Variants in CRPPA observed in about 807,000 individuals in gnomAD.
CRPPA encodes the protein D-ribitol-5-phosphate cytidylyltransferase.
CRPPA carries 43 observed loss-of-function variants against 52.0 expected under a neutral mutation model. The ratio of observed to expected loss-of-function variants is 0.83; its 90% CI spans 0.65 to 1.07. CRPPA has a LOEUF of 1.07. Among genes scored for constraint, CRPPA ranks in the 50% least tolerant of loss-of-function variants. The pLI, the probability that CRPPA is intolerant of heterozygous loss-of-function variation, is 0.00. For synonymous variants in CRPPA, 250 were observed against 203.5 expected (o/e 1.23, Z -1.94); for missense variants, 629 against 551.7 (o/e 1.14, Z -1.40).
chr7:16,250,191 A>G (rs1783406688), intron 8 of CRPPA, among the ~76,000 whole-genome samples: 1 of 152,192 alleles, frequency 6.6e-6, no homozygotes, highest in African/African-American at 2.4e-5. Context: ...GTGAAAAGAA[A>G]TGAACAAAGC....
intron 9 of CRPPA, among the ~76,000 whole-genome samples, chr7:16,191,816 C>T (rs967620409): frequency 6.6e-6 from 1 of 152,094 alleles, no homozygotes; most frequent in African/African-American, 2.4e-5. Flanking sequence ...TTACCTTATT[C>T]CACTTTATTT....
chr7:16,225,748 T>TAAAC (rs1782632202), intron 8 of CRPPA, among the ~76,000 whole-genome samples: 1 of 151,958 alleles, frequency 6.6e-6, no homozygotes, highest in South Asian at 2.1e-4. Flanking sequence ...AAAAAAATAC[T>TAAAC]AAACAGTTTT....
At chr7:16,308,480 G>A in intron 4 of CRPPA, 43 bp downstream of exon 4, 1 of 1,083,308 alleles carries the variant, frequency 9.2e-7, no homozygotes, top group Non-Finnish European at 1.4e-6. Context: ...GCAAACACAT[G>A]AAAGCACAGA....
intron 5 of CRPPA, among the ~76,000 whole-genome samples, chr7:16,281,172 A>T (rs2128418380): frequency 6.6e-6 from 1 of 152,314 alleles, no homozygotes; most frequent in South Asian, 2.1e-4. Context: ...TAGAAATGAC[A>T]TCTTTAAAAT....
intron 5 of CRPPA, among the ~76,000 whole-genome samples, chr7:16,285,020 C>T (rs1784394694): frequency 6.6e-6 from 1 of 152,100 alleles, no homozygotes; most frequent in Admixed American, 6.6e-5. Context: ...TTAATTTTTT[C>T]ATGAAGCACA....
At chr7:16,217,384 C>T (rs1420961446) in intron 8 of CRPPA, among the ~76,000 whole-genome samples, 2 of 151,606 alleles carry the variant, frequency 1.3e-5, no homozygotes. Flanking sequence ...CGCAGAGCAC[C>T]TCTCCTCCTC....
chr7:16,333,317 T>C (rs1283391981), intron 3 of CRPPA, among the ~76,000 whole-genome samples: 3 of 152,162 alleles, frequency 2.0e-5, no homozygotes, highest in African/African-American at 7.2e-5. Flanking sequence ...TCAAAACACA[T>C]GTGCTTCTCA....
chr7:16,153,802 C>CT (rs936303539), intron 9 of CRPPA, among the ~76,000 whole-genome samples: 53 of 149,426 alleles, frequency 3.5e-4, no homozygotes, highest in East Asian at 1.2e-3. Flanking sequence ...AAACTGTTCA[C>CT]TTTTTTTTTT....
Position 16,307,625 on chromosome 7 carries a change from A to C in CRPPA, c.789+898T>G, listed in dbSNP as rs147552077. Among the ~76,000 whole-genome samples the C allele has an allele frequency of 1.5e-4, 22 of 143,210 alleles. No individual in the cohort carries two copies. In the East Asian group the frequency reaches 5.0e-3, roughly 32 times the overall value. The allele number at this position is 143,210 out of a possible 152,430, so 94.0% of individuals were successfully genotyped here. ...AAATTTGGAGGTGGAGGTTACAATG[A>C]GACTGCACCATTGCCCTCCAGCCTG... On this transcript the variant is annotated intron_variant, in intron 4 of 9. Coordinates refer to ENST00000407010, the MANE Select transcript of CRPPA (RefSeq NM_001101426.4).
chr7:16,394,956 G>A (rs1787533107), intron 2 of CRPPA, among the ~76,000 whole-genome samples: 1 of 152,180 alleles, frequency 6.6e-6, no homozygotes, highest in Non-Finnish European at 1.5e-5. Context: ...TTATGTAAGA[G>A]ACTTCTGTTC....
chr7:16,163,544 T>A (rs548096803), intron 9 of CRPPA, among the ~76,000 whole-genome samples: 1 of 152,192 alleles, frequency 6.6e-6, no homozygotes, highest in African/African-American at 2.4e-5. Flanking sequence ...ATGTGTGAAT[T>A]TGATCCTGTC....
Position 16,261,295 on chromosome 7 carries a change from G to C in CRPPA, c.934-2283C>G, listed in dbSNP as rs141954816. On this transcript the variant is annotated intron_variant, in intron 6 of 9. Coordinates refer to ENST00000407010, the MANE Select transcript of CRPPA (RefSeq NM_001101426.4). The stretch of plus-strand genomic sequence containing the variant: ...GAAGAGGTGCCTTGAGCAGGATAAA[G>C]ACACTGCACTCTTAATGACAACTCA... 8.0e-3 allele frequency among the ~76,000 whole-genome samples: 1,222 copies of C among 152,160 alleles called. 67 individuals carry two copies. Among genetic ancestry groups the C allele is most frequent in the Admixed American group, 0.074 (1,136 of 15,268 alleles).
chr7:16,263,965 T>C lies in CRPPA; in HGVS notation c.934-4953A>G, dbSNP rs577674869. 2.6e-4 allele frequency among the ~76,000 whole-genome samples: 39 copies of C among 152,186 alleles called. 1 individual carries two copies. The highest frequency in any genetic ancestry group is 5.3e-4 in the Non-Finnish European group (36 of 68,032). Reference sequence around the variant, plus strand: ...AAAAGTTATCAAATATTAGTATTTTTGTACTCTTGAAAAACCAAACTGCAA... The same window carrying C: ...AAAAGTTATCAAATATTAGTATTTTCGTACTCTTGAAAAACCAAACTGCAA... On this transcript the variant is annotated intron_variant, in intron 6 of 9. Transcript: ENST00000407010.
chr7:16,115,087 G>C (rs1782344288), intron 9 of CRPPA, among the ~76,000 whole-genome samples: 1 of 151,916 alleles, frequency 6.6e-6, no homozygotes, highest in African/African-American at 2.4e-5. Context: ...GGATGGGGTA[G>C]GGATACTCCA....
At chr7:16,266,115 T>G (rs1783946816) in intron 6 of CRPPA, 1 of 152,258 alleles carries the variant, frequency 6.6e-6, no homozygotes, top group Non-Finnish European at 1.5e-5. Context: ...GGAAGTCAGT[T>G]AAGTACTAAC....
chr7:16,364,824 C>A (rs537456686), intron 3 of CRPPA, among the ~76,000 whole-genome samples: 1 of 152,230 alleles, frequency 6.6e-6, no homozygotes, highest in African/African-American at 2.4e-5. Flanking sequence ...CATCAGCCAG[C>A]CCACATAACA....
Position 16,167,607 on chromosome 7 carries a change from C to T in CRPPA, c.1251+48459G>A, listed in dbSNP as rs1009585580. ...TAAAAGAAATGGGCTTGTGAATATT[C>T]CAACTTTCTGCTTATCAGCTGTCTT... On this transcript the variant is annotated intron_variant, in intron 9 of 9. Transcript: ENST00000407010. Among the ~76,000 whole-genome samples, 4 of 152,090 alleles carry T rather than the reference C, an allele frequency of 2.6e-5. No individual in the cohort carries two copies. In the East Asian group the frequency reaches 7.7e-4, roughly 29 times the overall value.
chr7:16,091,901 G>C, intron 9 of CRPPA, 102 bp from the exon 10 acceptor site: 1 of 619,302 alleles, frequency 1.6e-6, no homozygotes, highest in Non-Finnish European at 2.6e-6. Context: ...GTCTGGATTT[G>C]GCATTTTAGA....
At chr7:16,398,129 G>T (rs908645721) in intron 2 of CRPPA, among the ~76,000 whole-genome samples, 7 of 151,908 alleles carry the variant, frequency 4.6e-5, no homozygotes, top group African/African-American at 1.5e-4. Context: ...GACATTATTC[G>T]CACTTGACTG....
Sources: allele counts gnomAD v4.1 joint callset (sites outside exome capture counted in the v4.1 genomes callset), GRCh38; gene constraint gnomAD v4.1.1; transcripts MANE v1.5; gene names NCBI Gene and HGNC (gene_info 2026-07-23, HGNC 2026-07-21).